Variants in PKP4 observed in about 807,000 individuals in gnomAD.
PKP4 encodes plakophilin-4.
In PKP4, 90 loss-of-function variants were observed where a neutral mutation model predicts 145.1. The ratio of observed to expected loss-of-function variants is 0.62; its 90% CI spans 0.52 to 0.74. The LOEUF (loss-of-function observed/expected upper bound fraction) is 0.74, where lower values mean the gene tolerates loss of function less well. Ranked by LOEUF, PKP4 falls within the 30% of genes least tolerant of loss-of-function variation. The pLI, the probability that PKP4 is intolerant of heterozygous loss-of-function variation, is 0.00. For synonymous variants in PKP4, 563 were observed against 577.2 expected (o/e 0.98, Z 0.35); for missense variants, 1,340 against 1,482.7 (o/e 0.90, Z 1.58).
chr2:158,593,645 G>C (rs1316744465), intron 3 of PKP4, among the ~76,000 whole-genome samples: 5 of 152,276 alleles, frequency 3.3e-5, no homozygotes, highest in Admixed American at 3.3e-4. Context: ...TGTATTTCCT[G>C]TTCCTTTCAT....
In PKP4 at chr2:158,680,985, C is replaced by A; in HGVS notation, c.*308C>A. On this transcript the variant is annotated 3_prime_UTR_variant, in exon 22 of 22. Coordinates refer to ENST00000389759, the MANE Select transcript of PKP4 (RefSeq NM_003628.6). ...GAAATGGGGGATATGTAGGTCAAAT[C>A]AAATTAAAGATGATTTTTTTAATGT... is the stretch of plus-strand genomic sequence containing the variant. The A allele has an allele frequency of 3.9e-6, 1 of 254,124 alleles. No homozygotes were observed. Among genetic ancestry groups the A allele is most frequent in the Non-Finnish European group, 7.5e-6 (1 of 133,288 alleles). 15.7% of individuals were successfully genotyped at this position (254,124 alleles called of 1,614,324 possible).
chr2:158,662,706 C>A, intron 13 of PKP4, 191 bp from the exon 14 acceptor site: 1 of 485,002 alleles, frequency 2.1e-6, no homozygotes, highest in Non-Finnish European at 3.6e-6. Context: ...AAGGGCTCTG[C>A]ATCCTGTCAT....
intron 1 of PKP4, among the ~76,000 whole-genome samples, chr2:158,526,709 A>G (rs1052889439): frequency 1.2e-5 from 1 of 86,940 alleles, no homozygotes; most frequent in African/African-American, 4.8e-5. Context: ...CTGTTTGCAG[A>G]CGACATGATT....
At chr2:158,586,258 C>G (rs574114605) in intron 3 of PKP4, among the ~76,000 whole-genome samples, 9 of 152,094 alleles carry the variant, frequency 5.9e-5, no homozygotes, top group Non-Finnish European at 1.3e-4. Context: ...ATATCAAGAG[C>G]TTTGCTCTAG....
At chr2:158,622,246 G>C (rs983546971) in intron 6 of PKP4, among the ~76,000 whole-genome samples, 1 of 152,166 alleles carries the variant, frequency 6.6e-6, no homozygotes, top group African/African-American at 2.4e-5. Context: ...CCTGCTTAAA[G>C]AAAGTTATTG....
chr2:158,463,845 A>G (rs909266856), intron 1 of PKP4, among the ~76,000 whole-genome samples: 1 of 152,196 alleles, frequency 6.6e-6, no homozygotes, highest in Non-Finnish European at 1.5e-5. Flanking sequence ...TCGCAGCCAG[A>G]CAAACCTGTG....
rs564396544 is a variant in PKP4 at position 158,489,084 on chromosome 2, T to C, written c.-6+31866T>C. On this transcript the variant is annotated intron_variant, in intron 1 of 21. Transcript: ENST00000389759. ...ATCTTTTCAATTCACATTCTCTACA[T>C]CCAGAAATCCAATATTTTACATTTT... Among the ~76,000 whole-genome samples the C allele has an allele frequency of 5.9e-5, 9 of 152,290 alleles. No individual in the cohort carries two copies. The South Asian group carries it at 1.9e-3, about 32-fold the overall frequency.
chr2:158,680,755 G>T lies in PKP4; in HGVS notation c.*78G>T. The T allele has an allele frequency of 1.6e-6, 2 of 1,284,800 alleles. No individual in the cohort carries two copies. The highest frequency in any genetic ancestry group is 2.5e-5 in the Admixed American group (1 of 40,506). 79.6% of individuals were successfully genotyped at this position (1,284,800 alleles called of 1,614,324 possible). ...GGTGAAAAGTCCATCTTGCTGATTT[G>T]ATGATTGAAATGTGAAAGTGAAGTG... On this transcript the variant is annotated 3_prime_UTR_variant, in exon 22 of 22. Transcript: ENST00000389759.
At chr2:158,549,012 A>T (rs2045341678) in intron 2 of PKP4, 1 of 174,402 alleles carries the variant, frequency 5.7e-6, no homozygotes, top group South Asian at 1.2e-4. Context: ...TGTGCATAGG[A>T]AGACCCTGCA....
At chr2:158,521,082 T>A (rs1427659877) in intron 1 of PKP4, among the ~76,000 whole-genome samples, 1 of 152,180 alleles carries the variant, frequency 6.6e-6, no homozygotes, top group Non-Finnish European at 1.5e-5. Context: ...TGTACAAGAG[T>A]GTCTCTACTT....
chr2:158,485,168 G>A (rs1469853464), intron 1 of PKP4, among the ~76,000 whole-genome samples: 1 of 152,172 alleles, frequency 6.6e-6, no homozygotes, highest in East Asian at 1.9e-4. Flanking sequence ...AGCCTGGCCT[G>A]TATACAAGGC....
chr2:158,510,881 C>G (rs1181258519), intron 1 of PKP4, among the ~76,000 whole-genome samples: 1 of 152,234 alleles, frequency 6.6e-6, no homozygotes, highest in Non-Finnish European at 1.5e-5. Flanking sequence ...AAATTTACAC[C>G]TAGATTTTGC....
chr2:158,580,187 T>G (rs1310149150), intron 3 of PKP4, among the ~76,000 whole-genome samples: 2 of 152,240 alleles, frequency 1.3e-5, no homozygotes, highest in Non-Finnish European at 2.9e-5. Flanking sequence ...ATTTTAAGGC[T>G]ATATCGTTCA....
intron 2 of PKP4, among the ~76,000 whole-genome samples, chr2:158,539,603 A>G (rs1297017865): frequency 6.6e-6 from 1 of 152,212 alleles, no homozygotes; most frequent in Non-Finnish European, 1.5e-5. Context: ...TATTTTTCCA[A>G]TTGGTAACTG....
chr2:158,530,490 A>G (rs1363359856), intron 1 of PKP4, among the ~76,000 whole-genome samples: 1 of 145,296 alleles, frequency 6.9e-6, no homozygotes, highest in Non-Finnish European at 1.5e-5. Flanking sequence ...TTACGATAGA[A>G]GTACTCTTTC....
At chr2:158,545,431 G>C (rs2044929476) in intron 2 of PKP4, among the ~76,000 whole-genome samples, 1 of 152,124 alleles carries the variant, frequency 6.6e-6, no homozygotes. Flanking sequence ...CTGAAGGTCA[G>C]GTGCCCTTGT....
chr2:158,530,514 T>C lies in PKP4; in HGVS notation c.-5-2666T>C, dbSNP rs1406946346. 3.7e-5 allele frequency among the ~76,000 whole-genome samples: 5 copies of C among 135,404 alleles called. No individual in the cohort carries two copies. In the South Asian group the frequency reaches 1.1e-3, roughly 30 times the overall value. 88.8% of individuals were successfully genotyped at this position (135,404 alleles called of 152,430 possible). A position where few individuals can be genotyped will look rare whatever the true frequency, so the allele number is the denominator to read the frequency against. On this transcript the variant is annotated intron_variant, in intron 1 of 21. Coordinates refer to ENST00000389759, the MANE Select transcript of PKP4 (RefSeq NM_003628.6). ...AAGTACTCTTTCTTTCTTTTTTTTT[T>C]TTTTTTTTTTTTTTGCTAGTGGAAT...
intron 2 of PKP4, among the ~76,000 whole-genome samples, chr2:158,571,665 G>C (rs553404171): frequency 1.3e-5 from 2 of 152,308 alleles, no homozygotes; most frequent in South Asian, 2.1e-4. Flanking sequence ...TTTGTAAAGA[G>C]AGAGTTTGTA....
Position 158,680,515 on chromosome 2 carries a change from T to A in PKP4, c.3417T>A (p.Tyr1139Ter), listed in dbSNP as rs768513269. The change falls in exon 22 of 22, where the codon TAT (tyrosine) becomes TAA (stop). Residue 1139 changes from tyrosine (Y) to a stop codon, truncating the protein, a stop_gained. Transcript: ENST00000389759. LOFTEE classifies it high-confidence loss of function. ...TGTATTTGCAGTCTCCTCATAGCTA[T>A]GAAGATCCTTATTTTGATGACCGAG... is the stretch of plus-strand genomic sequence containing the variant. ...YRLYLQSPHS[Y>*]EDPYFDDRVH... 59 of 1,613,926 alleles carry A rather than the reference T, an allele frequency of 3.7e-5. No individual in the cohort carries two copies. Among genetic ancestry groups the A allele is most frequent in the Non-Finnish European group, 5.0e-5 (59 of 1,179,886 alleles).
Sources: gnomAD v4.1 joint callset for allele counts (sites outside exome capture counted in the v4.1 genomes callset) on GRCh38, gnomAD v4.1.1 for gene constraint, MANE v1.5 for transcripts, NCBI Gene and HGNC (gene_info 2026-07-23, HGNC 2026-07-21) for gene names.